The following GPR39 variants were observed in gnomAD, a reference collection of about 807,000 sequenced individuals.
The protein encoded by GPR39 is zinc sensing receptor.
GPR39 carries 23 observed loss-of-function variants against 18.4 expected under a neutral mutation model. The ratio of observed to expected loss-of-function variants is 1.25; its 90% CI spans 0.90 to 1.77. GPR39 has a LOEUF of 1.77. Among genes scored for constraint, GPR39 ranks in the 40% most tolerant of loss-of-function variants. The probability of loss-of-function intolerance (pLI) is 0.00; values close to 1 mark genes in which losing one functional copy is unlikely to be tolerated. For synonymous variants in GPR39, 280 were observed against 257.9 expected, an observed-to-expected ratio of 1.09 and a Z score of -0.82; for missense variants, 647 against 602.4, an observed-to-expected ratio of 1.07 and a Z score of -0.78.
At chr2:132,525,670 C>T (rs534610459) in intron 1 of GPR39, among the ~76,000 whole-genome samples, 8 of 152,284 alleles carry the variant, frequency 5.3e-5, no homozygotes, top group South Asian at 2.1e-4. Flanking sequence ...TCCCTTTGGC[C>T]GTCAGACATA....
At chr2:132,536,975 A>G (rs933019131) in intron 1 of GPR39, among the ~76,000 whole-genome samples, 63 of 152,038 alleles carry the variant, frequency 4.1e-4, no homozygotes, top group African/African-American at 1.4e-3. Context: ...TGCATGTGAG[A>G]TGGGTCTCCT....
rs535932836 is a variant in GPR39, at chr2:132,498,590, A to C, written c.856+80692A>C. Among the ~76,000 whole-genome samples the C allele has an allele frequency of 3.9e-5, 6 of 152,312 alleles. No individual in the cohort carries two copies. In the East Asian group the frequency reaches 9.6e-4, roughly 24 times the overall value. On this transcript the variant is annotated intron_variant, in intron 1 of 1. Transcript: ENST00000329321. ...CTTCTTTTCCTCTGGGGAGATACATAGTGGTGGGATTGCTGGATCAAACGG... is the reference window on the plus strand; with the variant it reads ...CTTCTTTTCCTCTGGGGAGATACATCGTGGTGGGATTGCTGGATCAAACGG...
chr2:132,474,999 T>C (rs896477002), intron 1 of GPR39, among the ~76,000 whole-genome samples: 3 of 152,194 alleles, frequency 2.0e-5, no homozygotes, highest in African/African-American at 7.2e-5. Flanking sequence ...CATCCCTCTG[T>C]GCCTTCTGAC....
chr2:132,645,103 C>G lies in GPR39; in HGVS notation c.859C>G (p.Leu287Val), dbSNP rs1558870282. The change falls in exon 2 of 2, where the codon CTG becomes GTG. Residue 287 changes from leucine to valine, a missense_variant and splice_region_variant. This residue lies in a region of GPR39 where 581 missense variants were observed against 506.8 expected (regional missense o/e 1.15). Transcript: ENST00000329321. ...ARRQTIIFLR[L>V]IVVTLAVCWM... ...CCCTCCTGCTCGTGTCTGCCCAGGGCTGATTGTTGTGACATTGGCCGTATG... is the reference window on the plus strand; with the variant it reads ...CCCTCCTGCTCGTGTCTGCCCAGGGGTGATTGTTGTGACATTGGCCGTATG... 1.2e-6 allele frequency: 2 copies of G among 1,611,156 alleles called. No individual in the cohort carries two copies. The highest frequency in any genetic ancestry group is 1.7e-5 in the Admixed American group (1 of 59,930).
intron 1 of GPR39, among the ~76,000 whole-genome samples, chr2:132,502,454 T>G (rs1679062318): frequency 6.6e-6 from 1 of 152,188 alleles, no homozygotes; most frequent in Non-Finnish European, 1.5e-5. Context: ...ATCTGATAGA[T>G]TTTCCTTTAT....
intron 1 of GPR39, among the ~76,000 whole-genome samples, chr2:132,631,520 T>G (rs922490564): frequency 4.6e-5 from 7 of 152,196 alleles, no homozygotes; most frequent in African/African-American, 1.7e-4. Context: ...CTGATTTCTG[T>G]TGAGACCCTC....
chr2:132,552,835 T>TATATATATACACACATATATATATAC (rs1680068952), intron 1 of GPR39, among the ~76,000 whole-genome samples: 1 of 35,104 alleles, frequency 2.8e-5, no homozygotes, highest in South Asian at 1.5e-3. Context: ...TATATATACA[T>TATATATATACACACATATATATATAC]ATATATATAT....
chr2:132,644,799 C>A, intron 1 of GPR39: 1 of 337,530 alleles, frequency 3.0e-6, no homozygotes, highest in Non-Finnish European at 5.3e-6. Context: ...GATACGCAAA[C>A]AAACACCAAT....
At chr2:132,442,692 T>C (rs997043605) in intron 1 of GPR39, among the ~76,000 whole-genome samples, 2 of 152,204 alleles carry the variant, frequency 1.3e-5, no homozygotes, top group Non-Finnish European at 1.5e-5. Context: ...CTCTCACATA[T>C]CAGCGATGCA....
At chr2:132,429,539 C>T (rs542305993) in intron 1 of GPR39, among the ~76,000 whole-genome samples, 1 of 152,308 alleles carries the variant, frequency 6.6e-6, no homozygotes, top group East Asian at 1.9e-4. Context: ...GCGCCAGTCA[C>T]GTGCACTGGC....
intron 1 of GPR39, among the ~76,000 whole-genome samples, chr2:132,622,842 C>T (rs760556222): frequency 7.9e-5 from 12 of 152,108 alleles, no homozygotes; most frequent in Non-Finnish European, 1.2e-4. Flanking sequence ...TGGCCAGGTG[C>T]GGTGGCTCAT....
rs1030384219 is a variant in GPR39 at position 132,417,077 on chromosome 2, C to A, written c.35C>A (p.Ser12Tyr). ...ASPSLPGSDC[S>Y]QIIDHSHVPE... ...CCCAGCCTCCCGGGCAGTGACTGCT[C>A]CCAAATCATTGATCACAGTCATGTC... Residue 12 changes from serine to tyrosine, a missense_variant, in exon 1 of 2, where the codon TCC (serine) becomes TAC (tyrosine). By Grantham distance (144) the Ser-to-Tyr change is moderately radical. Transcript: ENST00000329321. 2 of 1,613,986 alleles carry A rather than the reference C, an allele frequency of 1.2e-6. No individual in the cohort carries two copies. Among genetic ancestry groups the A allele is most frequent in the African/African-American group, 2.7e-5 (2 of 74,924 alleles).
chr2:132,514,176 T>C (rs1019953280), intron 1 of GPR39, among the ~76,000 whole-genome samples: 1 of 152,118 alleles, frequency 6.6e-6, no homozygotes, highest in Non-Finnish European at 1.5e-5. Context: ...CCATCTGGCC[T>C]TAGGGGATGC....
intron 1 of GPR39, among the ~76,000 whole-genome samples, chr2:132,454,066 T>C (rs2104772624): frequency 6.6e-6 from 1 of 152,340 alleles, no homozygotes; most frequent in African/African-American, 2.4e-5. Flanking sequence ...ATAAATTACT[T>C]TGGGCAGTAT....
At chr2:132,577,155 G>A (rs1278977235) in intron 1 of GPR39, among the ~76,000 whole-genome samples, 2 of 151,602 alleles carry the variant, frequency 1.3e-5, no homozygotes, top group African/African-American at 4.9e-5. Context: ...TCAGGAGTTC[G>A]AGACCAGCCT....
At chr2:132,628,222 A>G (rs1467740980) in intron 1 of GPR39, among the ~76,000 whole-genome samples, 1 of 152,092 alleles carries the variant, frequency 6.6e-6, no homozygotes, top group Non-Finnish European at 1.5e-5. Context: ...GATTTCTGGA[A>G]CTTGCCCCAC....
intron 1 of GPR39, among the ~76,000 whole-genome samples, chr2:132,430,891 G>C (rs1450804047): frequency 6.6e-6 from 1 of 152,210 alleles, no homozygotes; most frequent in African/African-American, 2.4e-5. Flanking sequence ...GTTCCATGCA[G>C]ACTTTCCCCA....
chr2:132,496,850 G>C (rs1050420567), intron 1 of GPR39, among the ~76,000 whole-genome samples: 1 of 152,186 alleles, frequency 6.6e-6, no homozygotes, highest in Admixed American at 6.5e-5. Flanking sequence ...AGGGAGCTCT[G>C]ATGGCTCCAT....
At chr2:132,456,222 A>G (rs1208599331) in intron 1 of GPR39, among the ~76,000 whole-genome samples, 3 of 151,830 alleles carry the variant, frequency 2.0e-5, no homozygotes, top group East Asian at 1.9e-4. Flanking sequence ...TCCCTTTACC[A>G]TTATGTAATG....
Sources: allele counts gnomAD v4.1 joint callset (sites outside exome capture counted in the v4.1 genomes callset), GRCh38; gene constraint gnomAD v4.1.1; regional missense constraint gnomAD v4.1.1; transcripts MANE v1.5; gene names NCBI Gene and HGNC (gene_info 2026-07-23, HGNC 2026-07-21).